The following TMC5 variants were observed in gnomAD, a reference collection of about 807,000 sequenced individuals.
The protein encoded by TMC5 is transmembrane channel like 5.
In TMC5, 86 loss-of-function variants were observed where a neutral mutation model predicts 110.5. The observed-to-expected ratio is 0.78, with a 90% CI of 0.65 to 0.93. The LOEUF (loss-of-function observed/expected upper bound fraction) is 0.93. Ranked by LOEUF, TMC5 falls within the 40% of genes least tolerant of loss-of-function variation. The pLI is 0.00. For synonymous variants in TMC5, 455 were observed against 439.5 expected, an observed-to-expected ratio of 1.04 and a Z score of -0.44; for missense variants, 1,144 against 1,222.8, an observed-to-expected ratio of 0.94 and a Z score of 0.96.
chr16:19,479,605 C>T, intron 14 of TMC5, 77 bp downstream of exon 14: 1 of 1,020,444 alleles, frequency 9.8e-7, no homozygotes, highest in Non-Finnish European at 1.5e-6. Context: ...GTGGGACATA[C>T]AGGTGCCTGA....
At chr16:19,470,541 G>A (rs900037990) in intron 10 of TMC5, among the ~76,000 whole-genome samples, 1 of 151,924 alleles carries the variant, frequency 6.6e-6, no homozygotes, top group Non-Finnish European at 1.5e-5. Flanking sequence ...AACCTCTAGA[G>A]ACTTTTTTGA....
chr16:19,448,705 T>A (rs974329449), intron 4 of TMC5, among the ~76,000 whole-genome samples: 195 of 138,356 alleles, frequency 1.4e-3, no homozygotes, highest in African/African-American at 4.9e-3. Context: ...TATATATATT[T>A]TAATATATTA....
chr16:19,419,428 T>TC (rs1353921726), intron 1 of TMC5, among the ~76,000 whole-genome samples: 1 of 139,506 alleles, frequency 7.2e-6, no homozygotes, highest in East Asian at 2.0e-4. Flanking sequence ...TTTTTTTTTT[T>TC]TTGAGACAGT....
intron 3 of TMC5, among the ~76,000 whole-genome samples, chr16:19,441,346 G>A (rs1967487066): frequency 6.7e-6 from 1 of 150,298 alleles, no homozygotes; most frequent in South Asian, 2.1e-4. Flanking sequence ...TTGAGACAGG[G>A]TCTTGCTATG....
In TMC5 at chr16:19,479,540, C is replaced by T; in HGVS notation, c.2267+12C>T. ...GAGTTTCTGAGGAGGTAAATATTTG[C>T]CATTCTTAAGTAATTAGGGCCTGAT... On this transcript the variant is annotated intron_variant, in intron 14 of 21. Transcript: ENST00000542583. 6.3e-7 allele frequency: 1 copy of T among 1,589,464 alleles called. No homozygotes were observed. Among genetic ancestry groups the T allele is most frequent in the Non-Finnish European group, 8.6e-7 (1 of 1,157,810 alleles).
intron 10 of TMC5, 100 bp downstream of exon 10, chr16:19,469,925 C>T (rs1209228335): frequency 4.5e-6 from 6 of 1,332,816 alleles, no homozygotes; most frequent in Admixed American, 4.2e-5. Flanking sequence ...ATTGGAGTCT[C>T]ACTCTGTCGC....
chr16:19,411,824 C>T (rs1047248395), intron 1 of TMC5, among the ~76,000 whole-genome samples: 14 of 152,142 alleles, frequency 9.2e-5, no homozygotes, highest in Admixed American at 6.5e-5. Flanking sequence ...GCATGTGTTA[C>T]CTTTTATCCT....
At chr16:19,492,455 ATTATT>A (rs1339525218) in intron 19 of TMC5, 1 of 340,252 alleles carries the variant, frequency 2.9e-6, no homozygotes, top group Admixed American at 4.7e-5. Context: ...GATTATTATT[ATTATT>A]TTGAGATAGA....
At position 19,434,190 on chromosome 16, in the gene TMC5, A is replaced by ATATATATCTATATATCTATAG. The variant is rs1491249564; in HGVS notation, c.-80+3557_-80+3558insCTATATATCTATAGTATATAT. On this transcript the variant is annotated intron_variant, in intron 2 of 21. Transcript: ENST00000542583. ...GATATATAGATCTATTAGATATATA[A>ATATATATCTATATATCTATAG]TATATATATCTATATATCTATAGTA... Among the ~76,000 whole-genome samples, 3 of 5,662 alleles carry ATATATATCTATATATCTATAG rather than the reference A, an allele frequency of 5.3e-4. 1 individual carries two copies. The highest frequency in any genetic ancestry group is 9.5e-4 in the Non-Finnish European group (3 of 3,160). The allele number at this position is 5,662 out of a possible 152,430, so 3.7% of individuals were successfully genotyped here.
chr16:19,422,851 G>A (rs1204184441), intron 1 of TMC5, among the ~76,000 whole-genome samples: 2 of 152,202 alleles, frequency 1.3e-5, no homozygotes, highest in African/African-American at 4.8e-5. Flanking sequence ...GGGAGGCTGA[G>A]GCAGGAGAAT....
intron 10 of TMC5, among the ~76,000 whole-genome samples, chr16:19,470,721 TAAAAAAAA>T (rs60087070): frequency 7.3e-5 from 3 of 41,306 alleles, no homozygotes; most frequent in South Asian, 1.4e-3. Flanking sequence ...ACAAACTTAT[TAAAAAAAA>T]AAAAAAAAAA....
At chr16:19,422,650 A>G (rs1385008450) in intron 1 of TMC5, among the ~76,000 whole-genome samples, 1 of 152,074 alleles carries the variant, frequency 6.6e-6, no homozygotes, top group Non-Finnish European at 1.5e-5. Flanking sequence ...TGGGTGCAAC[A>G]ATGTCTCTAC....
Position 19,479,447 on chromosome 16 carries a change from T to C in TMC5, c.2186T>C (p.Ile729Thr), listed in dbSNP as rs145641220. The part of the protein sequence containing the change: ...LSGEECWETL[I>T]GQDIYRLLLM... Reference sequence around the variant, plus strand: ...GCCTTCCAGTGTTGGGAAACCCTCATTGGCCAGGACATCTACCGGCTCCTT... The same window carrying C: ...GCCTTCCAGTGTTGGGAAACCCTCACTGGCCAGGACATCTACCGGCTCCTT... Residue 729 changes from isoleucine (I) to threonine (T), a missense_variant, in exon 14 of 22, where the codon ATT (isoleucine) becomes ACT (threonine). Physicochemically the swap from Ile to Thr is moderately conservative, Grantham distance 89. Transcript: ENST00000542583. 1.5e-3 allele frequency: 2,348 copies of C among 1,613,974 alleles called. 8 individuals carry two copies. The highest frequency in any genetic ancestry group is 1.7e-3 in the Non-Finnish European group (2,046 of 1,179,844).
Position 19,481,383 on chromosome 16 carries a change from C to T in TMC5, c.2281C>T (p.Gln761Ter). 1.2e-6 allele frequency: 2 copies of T among 1,612,942 alleles called. No homozygotes were observed. Among genetic ancestry groups the T allele is most frequent in the Admixed American group, 1.7e-5 (1 of 60,010 alleles). Residue 761 changes from glutamine to a stop codon, truncating the protein, a stop_gained, in exon 15 of 22, where the codon CAA becomes TAA. Coordinates refer to ENST00000542583, the MANE Select transcript of TMC5 (RefSeq NM_001261841.2). LOFTEE classifies it high-confidence loss of function. ...ATGTTTTCACAGAATCATTGGGATG[C>T]AACTGATCACAAGTCTTGGCCTTCA... ...GEFLRRIIGM[Q>*]LITSLGLQEF...
chr16:19,453,978 A>G (rs1967807964), intron 5 of TMC5, among the ~76,000 whole-genome samples: 1 of 152,078 alleles, frequency 6.6e-6, no homozygotes, highest in African/African-American at 2.4e-5. Flanking sequence ...TCAGCCTCCC[A>G]AGTAGCTGAG....
chr16:19,457,010 G>A (rs1028446889), intron 5 of TMC5: 2 of 1,600,362 alleles, frequency 1.2e-6, no homozygotes, highest in African/African-American at 2.7e-5. Flanking sequence ...ACATGAAACT[G>A]TTCAAGGTAG....
At chr16:19,419,454 T>C (rs1042552577) in intron 1 of TMC5, among the ~76,000 whole-genome samples, 11 of 126,734 alleles carry the variant, frequency 8.7e-5, no homozygotes, top group Non-Finnish European at 1.3e-4. Flanking sequence ...GCTCTGTCGC[T>C]CAGGCTGGAG....
At chr16:19,448,907 G>A (rs1967684160) in intron 4 of TMC5, among the ~76,000 whole-genome samples, 1 of 141,808 alleles carries the variant, frequency 7.1e-6, no homozygotes, top group African/African-American at 2.6e-5. Context: ...TGTTGCCCAA[G>A]CTGGTGTGCA....
At chr16:19,481,677 A>G (rs1380231959) in intron 15 of TMC5, among the ~76,000 whole-genome samples, 1 of 152,204 alleles carries the variant, frequency 6.6e-6, no homozygotes. Context: ...TAGAGCAGGG[A>G]TCGCAACCTG....
Sources: allele counts gnomAD v4.1 joint callset (sites outside exome capture counted in the v4.1 genomes callset), GRCh38; gene constraint gnomAD v4.1.1; transcripts MANE v1.5; gene names NCBI Gene and HGNC (gene_info 2026-07-23, HGNC 2026-07-21).